Variants in DPYD observed in about 807,000 individuals in gnomAD.
DPYD encodes dihydropyrimidine dehydrogenase, also known as dihydropyrimidine dehydrogenase [NADP(+)].
Under a neutral mutation model 116.2 loss-of-function variants are expected in DPYD, and 109 were observed. The observed-to-expected ratio is 0.94, with a 90% CI of 0.80 to 1.10. The LOEUF (loss-of-function observed/expected upper bound fraction) is 1.10. Ranked by LOEUF, DPYD falls within the 50% of genes least tolerant of loss-of-function variation. The probability of loss-of-function intolerance (pLI) is 0.00; values close to 1 mark genes in which losing one functional copy is unlikely to be tolerated. For missense variants in DPYD, 1,302 were observed against 1,254.5 expected (o/e 1.04, Z -0.57); for synonymous variants, 440 against 432.0 (o/e 1.02, Z -0.23).
At chr1:97,132,258 G>T (rs919141825) in intron 20 of DPYD, among the ~76,000 whole-genome samples, 1 of 152,070 alleles carries the variant, frequency 6.6e-6, no homozygotes, top group Non-Finnish European at 1.5e-5. Flanking sequence ...TAATACTTCA[G>T]TGTAAGAACT....
chr1:97,720,217 A>G lies in DPYD; in HGVS notation c.483+1293T>C, dbSNP rs562172848. The G allele has an allele frequency of 7.1e-6, 7 of 984,774 alleles. No homozygotes were observed. The South Asian group carries it at 2.8e-4, about 40-fold the overall frequency. The allele number at this position is 984,774 out of a possible 1,614,324, so 61.0% of individuals were successfully genotyped here. A position where few individuals can be genotyped will look rare whatever the true frequency, so the allele number is the denominator to read the frequency against. On this transcript the variant is annotated intron_variant, in intron 5 of 22. Coordinates refer to ENST00000370192, the MANE Select transcript of DPYD (RefSeq NM_000110.4). Reference sequence around the variant, plus strand: ...ACACACACCTCTCATGACCAGATCAATTACTAATGATATCATTTTAATTCA... The same window carrying G: ...ACACACACCTCTCATGACCAGATCAGTTACTAATGATATCATTTTAATTCA...
intron 3 of DPYD, among the ~76,000 whole-genome samples, chr1:97,773,571 G>A (rs1487458075): frequency 6.6e-6 from 1 of 152,116 alleles, no homozygotes; most frequent in Non-Finnish European, 1.5e-5. Context: ...CCCGAGACAC[G>A]AGGAGGCACA....
intron 7 of DPYD, 78 bp from the exon 8 acceptor site, chr1:97,679,260 T>C (rs570427078): frequency 3.4e-4 from 273 of 796,520 alleles, no homozygotes; most frequent in Non-Finnish European, 4.8e-4. Context: ...TCAAAAAGAA[T>C]GAAAAGTCAG....
chr1:97,239,736 G>A (rs896069474), intron 18 of DPYD, among the ~76,000 whole-genome samples: 2 of 152,060 alleles, frequency 1.3e-5, no homozygotes, highest in South Asian at 2.1e-4. Flanking sequence ...TGGGCCAACT[G>A]TTGAGGTTCA....
intron 8 of DPYD, among the ~76,000 whole-genome samples, chr1:97,607,612 A>G (rs1338457498): frequency 6.6e-6 from 1 of 151,850 alleles, no homozygotes. Flanking sequence ...GGAGCATAAG[A>G]TAACACACAT....
intron 20 of DPYD, among the ~76,000 whole-genome samples, chr1:97,107,039 A>G (rs888197095): frequency 3.9e-5 from 6 of 152,092 alleles, no homozygotes; most frequent in Non-Finnish European, 5.9e-5. Context: ...CAGAGAACCA[A>G]CACTGACTAC....
rs1661813657 is a variant in DPYD, at chr1:97,234,999, A to G, written c.2300-5T>C. 1 of 1,614,020 alleles carries G rather than the reference A, an allele frequency of 6.2e-7. No individual in the cohort carries two copies. Among genetic ancestry groups the G allele is most frequent in the South Asian group, 1.1e-5 (1 of 91,076 alleles). ...CAATAGGTCTGATTGCTGTCCCTAC[A>G]CAAAATCAGAATAATCAATGGTTAG... On this transcript the variant is annotated splice_region_variant and splice_polypyrimidine_tract_variant and intron_variant, in intron 18 of 22. Coordinates refer to ENST00000370192, the MANE Select transcript of DPYD (RefSeq NM_000110.4).
At chr1:97,302,609 T>C (rs538470174) in intron 18 of DPYD, among the ~76,000 whole-genome samples, 96 of 152,122 alleles carry the variant, frequency 6.3e-4, no homozygotes, top group African/African-American at 2.2e-3. Flanking sequence ...TATCTTTCTA[T>C]AGTCTTATTG....
chr1:97,431,568 T>C (rs1429566393), intron 14 of DPYD, among the ~76,000 whole-genome samples: 1 of 152,162 alleles, frequency 6.6e-6, no homozygotes, highest in Non-Finnish European at 1.5e-5. Context: ...CTTTCAATAA[T>C]TTTTATGGTT....
chr1:97,853,638 A>G (rs1366022846), intron 2 of DPYD, among the ~76,000 whole-genome samples: 6 of 152,198 alleles, frequency 3.9e-5, no homozygotes, highest in Non-Finnish European at 7.3e-5. Context: ...AAAATTTAGT[A>G]TTTTCCAAAA....
intron 8 of DPYD, among the ~76,000 whole-genome samples, chr1:97,596,237 TGTATA>T (rs924555967): frequency 1.1e-4 from 17 of 152,162 alleles, no homozygotes; most frequent in Non-Finnish European, 1.9e-4. Context: ...TTCAAAACTC[TGTATA>T]GTATAATTCA....
intron 4 of DPYD, among the ~76,000 whole-genome samples, chr1:97,732,446 G>C (rs1016284955): frequency 2.1e-5 from 3 of 145,358 alleles, no homozygotes; most frequent in Non-Finnish European, 4.5e-5. Context: ...CTGCACTCCA[G>C]TCTGGCAACA....
intron 18 of DPYD, among the ~76,000 whole-genome samples, chr1:97,245,087 T>C (rs1662623738): frequency 6.6e-6 from 1 of 152,124 alleles, no homozygotes; most frequent in Admixed American, 6.6e-5. Flanking sequence ...CTTGAGAACC[T>C]ATTAAGTACC....
At chr1:97,413,098 C>T (rs889257068) in intron 14 of DPYD, among the ~76,000 whole-genome samples, 103 of 152,226 alleles carry the variant, frequency 6.8e-4, no homozygotes, top group African/African-American at 2.3e-3. Flanking sequence ...TGGTCCCTGG[C>T]CCCATATTTG....
intron 16 of DPYD, among the ~76,000 whole-genome samples, chr1:97,331,338 C>T (rs991106168): frequency 3.9e-5 from 6 of 151,972 alleles, no homozygotes; most frequent in African/African-American, 1.4e-4. Flanking sequence ...GTTAGTCAGG[C>T]GTGGTGGTGT....
chr1:97,498,181 C>T (rs886863410), intron 13 of DPYD, among the ~76,000 whole-genome samples: 1 of 151,482 alleles, frequency 6.6e-6, no homozygotes. Context: ...TGGGGAGTAA[C>T]TGCTAATGGG....
intron 3 of DPYD, among the ~76,000 whole-genome samples, chr1:97,752,056 G>A (rs185726361): frequency 1.2e-4 from 19 of 152,032 alleles, no homozygotes; most frequent in Admixed American, 2.0e-4. Context: ...ACTGTGCCTG[G>A]CCTAAAAAAA....
chr1:97,824,701 T>C lies in DPYD; in HGVS notation c.233+3413A>G, dbSNP rs147821892. 5.3e-3 allele frequency among the ~76,000 whole-genome samples: 800 copies of C among 152,316 alleles called. 9 individuals are homozygous for C. The highest frequency in any genetic ancestry group is 0.017 in the African/African-American group (715 of 41,574). On this transcript the variant is annotated intron_variant, in intron 3 of 22. Transcript: ENST00000370192. ...CCTGTCCTTTTCTTCTTAGGCACAT[T>C]ATATTTCAGTCTAGTCTTACTCTGT...
At chr1:97,139,837 A>C (rs1654081963) in intron 20 of DPYD, among the ~76,000 whole-genome samples, 1 of 152,148 alleles carries the variant, frequency 6.6e-6, no homozygotes, top group Non-Finnish European at 1.5e-5. Context: ...CCTGTCACCC[A>C]TAGCTCTAAG....
Sources: allele counts gnomAD v4.1 joint callset (sites outside exome capture counted in the v4.1 genomes callset), GRCh38; gene constraint gnomAD v4.1.1; transcripts MANE v1.5; gene names NCBI Gene and HGNC (gene_info 2026-07-23, HGNC 2026-07-21).